TIAM2: variants seen among roughly 807,000 people sequenced by gnomAD.
The protein encoded by TIAM2 is rho guanine nucleotide exchange factor TIAM2.
A neutral mutation model predicts 152.9 loss-of-function variants in TIAM2; 80 were observed. That is an observed-to-expected ratio of 0.52 (90% CI 0.44 to 0.63). The LOEUF is 0.63. Among genes scored for constraint, TIAM2 ranks in the 30% least tolerant of loss-of-function variants. The pLI, the probability that TIAM2 is intolerant of heterozygous loss-of-function variation, is 0.00. For missense variants in TIAM2, 1,965 were observed against 2,120.1 expected (o/e 0.93, Z 1.44); for synonymous variants, 804 against 838.0 (o/e 0.96, Z 0.70).
At chr6:155,256,024 G>GGA (rs1783996121) in intron 26 of TIAM2, 3 of 196,016 alleles carry the variant, frequency 1.5e-5, no homozygotes, top group Middle Eastern at 2.2e-3. Flanking sequence ...AAAAAAGGGG[G>GGA]GGGGAGGGGC....
intron 14 of TIAM2, among the ~76,000 whole-genome samples, chr6:155,191,809 CA>C (rs58358573): frequency 0.42 from 62,666 of 147,868 alleles, 13,141 homozygotes; most frequent in African/African-American, 0.47. Context: ...AAAACAACAA[CA>C]AAAAAAAAAA....
chr6:155,221,435 T>G (rs1159588322), intron 15 of TIAM2, among the ~76,000 whole-genome samples: 2 of 152,238 alleles, frequency 1.3e-5, no homozygotes, highest in Non-Finnish European at 2.9e-5. Context: ...GATGCTGATC[T>G]TCACCTAATG....
intron 1 of TIAM2, among the ~76,000 whole-genome samples, chr6:155,084,178 C>G (rs765514303): frequency 1.3e-5 from 2 of 152,096 alleles, no homozygotes; most frequent in Non-Finnish European, 2.9e-5. Flanking sequence ...GTATTTGAGT[C>G]TTACTTGAAG....
chr6:155,082,504 G>A (rs1778085200), intron 1 of TIAM2, among the ~76,000 whole-genome samples: 1 of 151,876 alleles, frequency 6.6e-6, no homozygotes, highest in Non-Finnish European at 1.5e-5. Flanking sequence ...TACAAAATTA[G>A]CTGGGCGTGG....
At chr6:155,205,430 C>T (rs537238579) in intron 14 of TIAM2, among the ~76,000 whole-genome samples, 55 of 152,246 alleles carry the variant, frequency 3.6e-4, no homozygotes, top group African/African-American at 1.2e-3. Context: ...TGTCTGTCCT[C>T]AGGAGGCCCC....
chr6:155,179,536 T>A (rs933593418), intron 12 of TIAM2, 80 bp downstream of exon 12: 1 of 1,313,130 alleles, frequency 7.6e-7, no homozygotes, highest in Non-Finnish European at 1.0e-6. Flanking sequence ...TGGACTTAAT[T>A]TTTTCCCCTT....
intron 14 of TIAM2, among the ~76,000 whole-genome samples, chr6:155,185,008 C>G (rs1781001529): frequency 6.6e-6 from 1 of 151,944 alleles, no homozygotes; most frequent in Non-Finnish European, 1.5e-5. Context: ...CATTCACTAC[C>G]TGTGTTATGT....
intron 7 of TIAM2, among the ~76,000 whole-genome samples, chr6:155,153,360 A>G (rs1423356546): frequency 6.6e-6 from 1 of 152,004 alleles, no homozygotes; most frequent in African/African-American, 2.4e-5. Flanking sequence ...TAATCCCAGT[A>G]CTTTGGGAGG....
In TIAM2 at chr6:155,142,268, A is replaced by G. The variant is rs12663928; in HGVS notation, c.1631-2338A>G. ...TCCTGATTTTTTAAATTTGATAGCC[A>G]CAAAATTCTGCCTATTGTTTTACTT... On this transcript the variant is annotated intron_variant, in intron 5 of 26. Coordinates refer to ENST00000682666, the MANE Select transcript of TIAM2 (RefSeq NM_012454.4). Among the ~76,000 whole-genome samples the G allele has an allele frequency of 1.9e-3, 290 of 151,880 alleles. 3 individuals carry two copies. The highest frequency in any genetic ancestry group is 9.0e-3 in the East Asian group (46 of 5,112).
At chr6:155,029,786 T>C (rs1402564539) in intron 1 of TIAM2, among the ~76,000 whole-genome samples, 1 of 135,472 alleles carries the variant, frequency 7.4e-6, no homozygotes, top group African/African-American at 2.7e-5. Flanking sequence ...ACTTTTTGTG[T>C]TTTTTTTGTT....
At chr6:155,158,661 C>T (rs906604896) in intron 7 of TIAM2, among the ~76,000 whole-genome samples, 2 of 151,858 alleles carry the variant, frequency 1.3e-5, no homozygotes, top group South Asian at 2.1e-4. Flanking sequence ...CTCAAGCTAT[C>T]CTCCCACCTC....
rs182528724 is a variant in TIAM2 at position 155,073,201 on chromosome 6, T to C, written c.-208-17088T>C. 1.9e-3 allele frequency among the ~76,000 whole-genome samples: 279 copies of C among 143,262 alleles called. 3 individuals are homozygous for C. The highest frequency in any genetic ancestry group is 6.9e-4 in the Non-Finnish European group (46 of 66,302). 94.0% of individuals were successfully genotyped at this position (143,262 alleles called of 152,430 possible). A position where few individuals can be genotyped will look rare whatever the true frequency, so the allele number is the denominator to read the frequency against. On this transcript the variant is annotated intron_variant, in intron 1 of 26. Coordinates refer to ENST00000682666, the MANE Select transcript of TIAM2 (RefSeq NM_012454.4). Reference sequence around the variant, plus strand: ...TTTTTTAGACTAAGTCTCGCTCTGCTGCCCAGACTGGAGTGCAGTGGCACA... The same window carrying C: ...TTTTTTAGACTAAGTCTCGCTCTGCCGCCCAGACTGGAGTGCAGTGGCACA...
At chr6:155,197,792 C>T (rs1781381922) in intron 14 of TIAM2, among the ~76,000 whole-genome samples, 1 of 152,090 alleles carries the variant, frequency 6.6e-6, no homozygotes, top group East Asian at 1.9e-4. Flanking sequence ...ACCAGAACAG[C>T]ATGGAAGTAA....
intron 1 of TIAM2, among the ~76,000 whole-genome samples, chr6:155,008,573 G>A (rs1778434765): frequency 6.8e-6 from 1 of 147,924 alleles, no homozygotes; most frequent in African/African-American, 2.5e-5. Flanking sequence ...ATAGTCTAAG[G>A]GACCTTCCTT....
intron 26 of TIAM2, 155 bp from the exon 27 acceptor site, chr6:155,256,329 G>C: frequency 9.3e-7 from 1 of 1,079,002 alleles, no homozygotes; most frequent in Non-Finnish European, 1.3e-6. Context: ...GTTTTCAGTA[G>C]CTACATTTTT....
chr6:155,181,993 T>C (rs371176067), intron 12 of TIAM2, among the ~76,000 whole-genome samples: 2 of 152,248 alleles, frequency 1.3e-5, no homozygotes, highest in East Asian at 1.9e-4. Flanking sequence ...TGTGGGTGCA[T>C]GGTCTCACCT....
In TIAM2 at chr6:155,165,171, G is replaced by A. The variant is rs1780390740; in HGVS notation, c.2215-92G>A. On this transcript the variant is annotated intron_variant, in intron 8 of 26. Transcript: ENST00000682666. The stretch of plus-strand genomic sequence containing the variant: ...AGGAGCTTTTGGCGATAGTCAGAAT[G>A]CATTTATAGCAAGCAGAGCTCACTT... 3 of 1,352,226 alleles carry A rather than the reference G, an allele frequency of 2.2e-6. No homozygotes were observed. In the African/African-American group the frequency reaches 4.5e-5, roughly 20 times the overall value. The allele number at this position is 1,352,226 out of a possible 1,614,324, so 83.8% of individuals were successfully genotyped here.
intron 14 of TIAM2, among the ~76,000 whole-genome samples, chr6:155,190,242 C>T (rs1781164212): frequency 6.6e-6 from 1 of 152,168 alleles, no homozygotes; most frequent in African/African-American, 2.4e-5. Flanking sequence ...CTCTCTGATC[C>T]CACCACTCTA....
At chr6:155,029,636 T>G (rs1189969041) in intron 1 of TIAM2, among the ~76,000 whole-genome samples, 12 of 83,420 alleles carry the variant, frequency 1.4e-4, no homozygotes, top group Non-Finnish European at 1.8e-4. Flanking sequence ...TAACTATATA[T>G]AGTTATATAA....
Sources: gnomAD v4.1 joint callset for allele counts (sites outside exome capture counted in the v4.1 genomes callset) on GRCh38, gnomAD v4.1.1 for gene constraint, MANE v1.5 for transcripts, NCBI Gene and HGNC (gene_info 2026-07-23, HGNC 2026-07-21) for gene names.